MAPK8: variants seen among roughly 807,000 people sequenced by gnomAD.
MAPK8 encodes JUN N-terminal kinase.
Under a neutral mutation model 52.9 loss-of-function variants are expected in MAPK8, and 13 were observed. That is an observed-to-expected ratio of 0.25 (90% CI 0.16 to 0.39). The LOEUF (loss-of-function observed/expected upper bound fraction) is 0.39, where lower values mean the gene tolerates loss of function less well. Among genes scored for constraint, MAPK8 ranks in the 10% least tolerant of loss-of-function variants. The pLI, the probability that MAPK8 is intolerant of heterozygous loss-of-function variation, is 1.00. For missense variants in MAPK8, 300 were observed against 519.2 expected (o/e 0.58, Z 4.10); for synonymous variants, 191 against 169.8 (o/e 1.12, Z -0.97).
At chr10:48,399,953 G>T (rs2042075693) in intron 1 of MAPK8, among the ~76,000 whole-genome samples, 1 of 152,196 alleles carries the variant, frequency 6.6e-6, no homozygotes, top group South Asian at 2.1e-4. Context: ...GTCCCCCGCT[G>T]ACCCAGTTTC....
intron 10 of MAPK8, 47 bp downstream of exon 10, chr10:48,427,190 G>A (rs1279880861): frequency 5.8e-6 from 8 of 1,381,042 alleles, no homozygotes; most frequent in Non-Finnish European, 8.2e-6. Context: ...GGAGCTTCTG[G>A]TTTTTATATG....
chr10:48,432,856 T>C (rs755912151), intron 11 of MAPK8, among the ~76,000 whole-genome samples: 4 of 152,224 alleles, frequency 2.6e-5, no homozygotes, highest in Admixed American at 1.3e-4. Context: ...TCCTCAGTTA[T>C]AGCTTGCAAA....
At chr10:48,359,476 A>G (rs1425325088) in intron 1 of MAPK8, among the ~76,000 whole-genome samples, 6 of 152,168 alleles carry the variant, frequency 3.9e-5, no homozygotes, top group Admixed American at 2.6e-4. Flanking sequence ...GTCTGTGTCA[A>G]GAGTTTCTTG....
At chr10:48,419,509 A>G (rs1445045866) in intron 5 of MAPK8, among the ~76,000 whole-genome samples, 1 of 152,164 alleles carries the variant, frequency 6.6e-6, no homozygotes, top group African/African-American at 2.4e-5. Context: ...ATTCAGTAGT[A>G]TCTATAGCAA....
chr10:48,432,258 A>G (rs1437700488), intron 11 of MAPK8, among the ~76,000 whole-genome samples: 1 of 152,236 alleles, frequency 6.6e-6, no homozygotes, highest in Non-Finnish European at 1.5e-5. Context: ...TAGATGTTGT[A>G]TCTAGCATCT....
chr10:48,427,103 G>A lies in MAPK8; in HGVS notation c.1020G>A (p.Lys340=). Residue 340 remains lysine (K), a synonymous_variant, in exon 10 of 12, where the codon AAG becomes AAA. Coordinates refer to ENST00000374189, the MANE Select transcript of MAPK8 (RefSeq NM_001323329.2). ...AGCCACCACCAAAGATCCCTGACAA[G>A]CAGTTAGATGAAAGGGAACACACAA... The part of the protein sequence containing the change: ...AEAPPPKIPD[K]QLDEREHTIE... The A allele has an allele frequency of 1.2e-6, 2 of 1,613,178 alleles. No homozygotes were observed. The highest frequency in any genetic ancestry group is 1.7e-6 in the Non-Finnish European group (2 of 1,179,434).
intron 1 of MAPK8, among the ~76,000 whole-genome samples, chr10:48,330,333 A>G (rs1844009715): frequency 6.6e-6 from 1 of 152,224 alleles, no homozygotes; most frequent in Non-Finnish European, 1.5e-5. Context: ...AAGATGTTTC[A>G]GGGGTTCTCT....
At chr10:48,414,335 C>T (rs1308753829) in intron 5 of MAPK8, among the ~76,000 whole-genome samples, 10 of 151,822 alleles carry the variant, frequency 6.6e-5, no homozygotes, top group African/African-American at 2.4e-4. Context: ...GGGTTGTTAC[C>T]ACTGACTATT....
chr10:48,381,112 G>A (rs565942269), intron 1 of MAPK8, among the ~76,000 whole-genome samples: 14 of 152,114 alleles, frequency 9.2e-5, no homozygotes, highest in Non-Finnish European at 1.9e-4. Flanking sequence ...AAGAGAAAAC[G>A]AAATCCTACC....
At chr10:48,366,126 T>C (rs915221022) in intron 1 of MAPK8, among the ~76,000 whole-genome samples, 29 of 152,070 alleles carry the variant, frequency 1.9e-4, no homozygotes, top group Non-Finnish European at 3.7e-4. Flanking sequence ...TATATTTAAA[T>C]ACTTAACCTG....
rs75642109 is a variant in MAPK8 at position 48,354,172 on chromosome 10, A to T, written c.-50+47351A>T. ...TTCAAAATTAAAAAAAAATTTTTTT[A>T]AATTATCCTAGCTAAAGCATCAAGT... On this transcript the variant is annotated intron_variant, in intron 1 of 11. Transcript: ENST00000374189. Among the ~76,000 whole-genome samples, 36 of 152,276 alleles carry T rather than the reference A, an allele frequency of 2.4e-4. No homozygotes were observed. In the East Asian group the frequency reaches 4.4e-3, roughly 19 times the overall value.
In MAPK8 at chr10:48,358,523, A is replaced by C. The variant is rs1299603666; in HGVS notation, c.-49-43089A>C. On this transcript the variant is annotated intron_variant, in intron 1 of 11. Coordinates refer to ENST00000374189, the MANE Select transcript of MAPK8 (RefSeq NM_001323329.2). ...GTTTTGGATACAAGACCTTTGTCAGATACATGAGTTGCAAATATTTTCTCC... is the reference window on the plus strand; with the variant it reads ...GTTTTGGATACAAGACCTTTGTCAGCTACATGAGTTGCAAATATTTTCTCC... Among the ~76,000 whole-genome samples the C allele has an allele frequency of 2.6e-5, 4 of 152,334 alleles. No individual in the cohort carries two copies. The East Asian group carries it at 7.7e-4, about 29-fold the overall frequency.
At chr10:48,334,308 A>C (rs1384381458) in intron 1 of MAPK8, among the ~76,000 whole-genome samples, 3 of 151,474 alleles carry the variant, frequency 2.0e-5, no homozygotes, top group Non-Finnish European at 2.9e-5. Context: ...TGTGTACTCA[A>C]CTCCCCAACT....
At chr10:48,308,315 A>T (rs991836316) in intron 1 of MAPK8, 9 of 152,196 alleles carry the variant, frequency 5.9e-5, no homozygotes, top group African/African-American at 2.2e-4. Context: ...AGTCGGATTG[A>T]TGAAAAGCTC....
intron 10 of MAPK8, among the ~76,000 whole-genome samples, chr10:48,429,243 C>G (rs998192965): frequency 1.3e-5 from 2 of 152,154 alleles, no homozygotes; most frequent in Admixed American, 6.5e-5. Context: ...AAAACACCTT[C>G]GGTTGTACAG....
chr10:48,375,962 G>A (rs1480322576), intron 1 of MAPK8, among the ~76,000 whole-genome samples: 1 of 152,144 alleles, frequency 6.6e-6, no homozygotes, highest in Non-Finnish European at 1.5e-5. Context: ...CAAAATTGGA[G>A]GCATCATGCT....
Position 48,436,444 on chromosome 10 carries a change from G to A in MAPK8, c.*1415G>A, listed in dbSNP as rs781237853. The A allele has an allele frequency of 2.6e-5, 4 of 152,076 alleles. No individual in the cohort carries two copies. Among genetic ancestry groups the A allele is most frequent in the Non-Finnish European group, 5.9e-5 (4 of 68,018 alleles). 9.4% of individuals were successfully genotyped at this position (152,076 alleles called of 1,614,324 possible). ...TGAAGTCTCGTTATTTCTGAAATAC[G>A]TTGTCTGTAATAGACCCAGGCACCT... is the stretch of plus-strand genomic sequence containing the variant. On this transcript the variant is annotated 3_prime_UTR_variant, in exon 12 of 12. Coordinates refer to ENST00000374189, the MANE Select transcript of MAPK8 (RefSeq NM_001323329.2).
chr10:48,344,300 T>C (rs1845566049), intron 1 of MAPK8, among the ~76,000 whole-genome samples: 1 of 152,216 alleles, frequency 6.6e-6, no homozygotes, highest in South Asian at 2.1e-4. Context: ...TGCACAGATT[T>C]TGTCAGCTAC....
intron 1 of MAPK8, among the ~76,000 whole-genome samples, chr10:48,357,566 T>G (rs1014241980): frequency 2.0e-4 from 31 of 151,970 alleles, no homozygotes; most frequent in African/African-American, 6.5e-4. Flanking sequence ...CTGGCTAAAT[T>G]TTGTATTTTT....
Sources: allele counts gnomAD v4.1 joint callset (sites outside exome capture counted in the v4.1 genomes callset), GRCh38; gene constraint gnomAD v4.1.1; transcripts MANE v1.5; gene names NCBI Gene and HGNC (gene_info 2026-07-23, HGNC 2026-07-21).